HS3ST3A1: variants seen among roughly 807,000 people sequenced by gnomAD.
HS3ST3A1 encodes heparan sulfate glucosamine 3-O-sulfotransferase 3A1.
Under a neutral mutation model 25.7 loss-of-function variants are expected in HS3ST3A1, and 19 were observed. The ratio of observed to expected loss-of-function variants is 0.74; its 90% CI spans 0.52 to 1.08. The LOEUF (loss-of-function observed/expected upper bound fraction) is 1.08. HS3ST3A1 is among the 50% of genes least tolerant of loss of function. The pLI, the probability that HS3ST3A1 is intolerant of heterozygous loss-of-function variation, is 0.00. For missense variants in HS3ST3A1, 459 were observed against 594.3 expected (o/e 0.77, Z 2.37); for synonymous variants, 226 against 278.6 (o/e 0.81, Z 1.88).
intron 1 of HS3ST3A1, among the ~76,000 whole-genome samples, chr17:13,584,561 AGGAAAGAAGGAAG>A (rs1296509154): frequency 6.6e-6 from 1 of 151,666 alleles, no homozygotes; most frequent in Non-Finnish European, 1.5e-5. Context: ...GAAGGAAGGA[AGGAAAGAAGGAAG>A]GAAGGAGGGA....
rs1326845989 is a variant in HS3ST3A1 at position 13,495,623 on chromosome 17, A to T, written c.*574T>A. On this transcript the variant is annotated 3_prime_UTR_variant, in exon 2 of 2. Transcript: ENST00000284110. Reference sequence around the variant, plus strand: ...AGATACATTATTTCACCTCCCAAAGACTCAGTTTTCCTTTCTGTAAAATGG... The same window carrying T: ...AGATACATTATTTCACCTCCCAAAGTCTCAGTTTTCCTTTCTGTAAAATGG... 6.6e-6 allele frequency: 1 copy of T among 152,228 alleles called. No homozygotes were observed. The highest frequency in any genetic ancestry group is 2.4e-5 in the African/African-American group (1 of 41,424). The allele number at this position is 152,228 out of a possible 1,614,324, so 9.4% of individuals were successfully genotyped here.
At chr17:13,550,588 G>A (rs1203558314) in intron 1 of HS3ST3A1, among the ~76,000 whole-genome samples, 1 of 152,062 alleles carries the variant, frequency 6.6e-6, no homozygotes, top group African/African-American at 2.4e-5. Context: ...AGTTTTATGA[G>A]TGAAAAATAA....
intron 1 of HS3ST3A1, among the ~76,000 whole-genome samples, chr17:13,514,716 C>T (rs968247965): frequency 1.7e-4 from 26 of 152,156 alleles, no homozygotes; most frequent in African/African-American, 5.3e-4. Flanking sequence ...GAAACGTTGC[C>T]AGAGACGAGG....
At chr17:13,512,325 A>C (rs946915820) in intron 1 of HS3ST3A1, among the ~76,000 whole-genome samples, 2 of 150,744 alleles carry the variant, frequency 1.3e-5, no homozygotes, top group African/African-American at 4.9e-5. Context: ...AAAAAAAAAA[A>C]AACTGCATGA....
intron 1 of HS3ST3A1, among the ~76,000 whole-genome samples, chr17:13,573,360 T>C (rs1907866209): frequency 6.6e-6 from 1 of 152,182 alleles, no homozygotes; most frequent in Non-Finnish European, 1.5e-5. Context: ...ATTTGTAGTG[T>C]TATGCCTGTC....
rs545493149 is a variant in HS3ST3A1 at position 13,556,917 on chromosome 17, C to G, written c.599+43614G>C. Among the ~76,000 whole-genome samples the G allele has an allele frequency of 3.3e-5, 5 of 151,638 alleles. No homozygotes were observed. The South Asian group carries it at 6.3e-4, about 19-fold the overall frequency. On this transcript the variant is annotated intron_variant, in intron 1 of 1. Transcript: ENST00000284110. ...AATGCACTCAGAAACTCAATGGCAG[C>G]CATGCTTGCACATACTTGCACCCAG... is the stretch of plus-strand genomic sequence containing the variant.
At chr17:13,523,486 C>T (rs955715928) in intron 1 of HS3ST3A1, among the ~76,000 whole-genome samples, 1 of 152,134 alleles carries the variant, frequency 6.6e-6, no homozygotes, top group Non-Finnish European at 1.5e-5. Flanking sequence ...TACCTGTGAT[C>T]TATGGTGTTG....
intron 1 of HS3ST3A1, among the ~76,000 whole-genome samples, chr17:13,584,554 G>A (rs926040467): frequency 3.4e-5 from 5 of 148,700 alleles, no homozygotes; most frequent in African/African-American, 1.3e-4. Flanking sequence ...AAGGAAAGAA[G>A]GAAGGAAGGA....
At chr17:13,547,962 A>AC (rs199768658) in intron 1 of HS3ST3A1, among the ~76,000 whole-genome samples, 2,115 of 150,030 alleles carry the variant, frequency 0.014, 56 homozygotes, top group African/African-American at 0.05. Flanking sequence ...AAAAAAAAAA[A>AC]ACCACACGTT....
At chr17:13,549,112 C>T (rs1216124482) in intron 1 of HS3ST3A1, among the ~76,000 whole-genome samples, 1 of 152,214 alleles carries the variant, frequency 6.6e-6, no homozygotes, top group African/African-American at 2.4e-5. Context: ...AGCTATAACA[C>T]TCACCACAAG....
Position 13,495,463 on chromosome 17 carries a change from A to G in HS3ST3A1, c.*734T>C, listed in dbSNP as rs1048663126. On this transcript the variant is annotated 3_prime_UTR_variant, in exon 2 of 2. Transcript: ENST00000284110. ...CAAGGGGCTCTCTTTCCCTTTTCAT[A>G]TCATCTGAAAACTACCTAACCATTT... is the stretch of plus-strand genomic sequence containing the variant. 3.9e-5 allele frequency among the ~76,000 whole-genome samples: 6 copies of G among 152,152 alleles called. No homozygotes were observed. Among genetic ancestry groups the G allele is most frequent in the Admixed American group, 3.9e-4 (6 of 15,282 alleles).
chr17:13,597,538 A>T (rs1319021866), intron 1 of HS3ST3A1, among the ~76,000 whole-genome samples: 1 of 152,152 alleles, frequency 6.6e-6, no homozygotes, highest in African/African-American at 2.4e-5. Context: ...TGTTTTAGTG[A>T]TATCATGTCT....
intron 1 of HS3ST3A1, among the ~76,000 whole-genome samples, chr17:13,524,529 C>G (rs969676942): frequency 6.6e-6 from 1 of 152,114 alleles, no homozygotes; most frequent in Admixed American, 6.6e-5. Context: ...TACAGGTGTG[C>G]GCCATTGAGC....
chr17:13,540,631 T>C (rs1195270547), intron 1 of HS3ST3A1, among the ~76,000 whole-genome samples: 1 of 152,244 alleles, frequency 6.6e-6, no homozygotes, highest in Non-Finnish European at 1.5e-5. Context: ...TTTCAAAATA[T>C]TTTTTCAAAA....
intron 1 of HS3ST3A1, among the ~76,000 whole-genome samples, chr17:13,510,000 T>G (rs1905809592): frequency 6.6e-6 from 1 of 152,232 alleles, no homozygotes; most frequent in South Asian, 2.1e-4. Flanking sequence ...CTCGTAGTGC[T>G]TCTGAACTGT....
chr17:13,585,869 T>TGA lies in HS3ST3A1; in HGVS notation c.599+14660_599+14661dup, dbSNP rs1567630426. Among the ~76,000 whole-genome samples the TGA allele has an allele frequency of 1.7e-3, 182 of 104,946 alleles. 21 individuals carry two copies. Among genetic ancestry groups the TGA allele is most frequent in the Middle Eastern group, 0.011 (2 of 176 alleles). The allele number at this position is 104,946 out of a possible 152,430, so 68.8% of individuals were successfully genotyped here. ...TTTTTTTTTTTTTTTTTTTTTTTTC[T>TGA]GACAGAGTCTCGCTCTGTCGCCCAG... On this transcript the variant is annotated intron_variant, in intron 1 of 1. Transcript: ENST00000284110.
intron 1 of HS3ST3A1, among the ~76,000 whole-genome samples, chr17:13,557,091 A>G (rs954127741): frequency 2.0e-5 from 3 of 152,210 alleles, no homozygotes; most frequent in Non-Finnish European, 4.4e-5. Context: ...TCCAACAAAC[A>G]AAAGGATACA....
chr17:13,600,779 G>C lies in HS3ST3A1; in HGVS notation c.351C>G (p.Ser117=). Residue 117 remains serine (S), a synonymous_variant, in exon 1 of 2, where the codon TCC becomes TCG. Transcript: ENST00000284110. ...CGCCCGGACCCCCTGACAGGCCAGG[G>C]GACTCTTCTTCCCAGGCCGCCTCCT... The part of the protein sequence containing the change: ...DGEEAAWEEE[S]PGLSGGPGGS... 6.8e-7 allele frequency: 1 copy of C among 1,474,900 alleles called. No individual in the cohort carries two copies. The highest frequency in any genetic ancestry group is 8.9e-7 in the Non-Finnish European group (1 of 1,123,672). The allele number at this position is 1,474,900 out of a possible 1,614,324, so 91.4% of individuals were successfully genotyped here. A position where few individuals can be genotyped will look rare whatever the true frequency, so the allele number is the denominator to read the frequency against.
chr17:13,512,969 G>T (rs957105256), intron 1 of HS3ST3A1, among the ~76,000 whole-genome samples: 3 of 152,144 alleles, frequency 2.0e-5, no homozygotes, highest in African/African-American at 7.2e-5. Context: ...TGTTAGGAGG[G>T]AATATTTGTC....
Sources: gnomAD v4.1 joint callset for allele counts (sites outside exome capture counted in the v4.1 genomes callset) on GRCh38, gnomAD v4.1.1 for gene constraint, MANE v1.5 for transcripts, NCBI Gene and HGNC (gene_info 2026-07-23, HGNC 2026-07-21) for gene names.